MCF2L: variants seen among roughly 807,000 people sequenced by gnomAD.
MCF2L encodes the protein guanine nucleotide exchange factor DBS.
In MCF2L, 97 loss-of-function variants were observed where a neutral mutation model predicts 153.4. The ratio of observed to expected loss-of-function variants is 0.63; its 90% CI spans 0.54 to 0.75. The LOEUF (loss-of-function observed/expected upper bound fraction) is 0.75. MCF2L is among the 30% of genes least tolerant of loss of function. The probability of loss-of-function intolerance (pLI) is 0.00; values close to 1 mark genes in which losing one functional copy is unlikely to be tolerated. For missense variants in MCF2L, 1,347 were observed against 1,495.2 expected (o/e 0.90, Z 1.64); for synonymous variants, 659 against 632.2 (o/e 1.04, Z -0.64).
intron 3 of MCF2L, among the ~76,000 whole-genome samples, chr13:113,038,438 C>G (rs1294107696): frequency 6.8e-6 from 1 of 148,044 alleles, no homozygotes; most frequent in Non-Finnish European, 1.5e-5. Context: ...GCACTCCAGC[C>G]TGGGTGACAG....
chr13:112,935,071 CTG>C (rs2081501532), intron 2 of MCF2L, among the ~76,000 whole-genome samples: 1 of 152,220 alleles, frequency 6.6e-6, no homozygotes, highest in Non-Finnish European at 1.5e-5. Flanking sequence ...GTACCTCAAA[CTG>C]TGTTAGGGGC....
chr13:112,980,703 C>T (rs1331775755), intron 1 of MCF2L, among the ~76,000 whole-genome samples: 2 of 85,796 alleles, frequency 2.3e-5, no homozygotes, highest in East Asian at 6.0e-4. Flanking sequence ...CTGAGGAGGG[C>T]TGTGTCACTC....
intron 1 of MCF2L, among the ~76,000 whole-genome samples, chr13:112,989,295 G>A (rs61967106): frequency 1.5e-3 from 111 of 73,924 alleles, no homozygotes; most frequent in African/African-American, 2.8e-3. Context: ...TACCACGCCC[G>A]AGTCCTCCCT....
intron 3 of MCF2L, among the ~76,000 whole-genome samples, chr13:113,025,510 T>C (rs1203446815): frequency 1.7e-5 from 1 of 58,202 alleles, no homozygotes; most frequent in Non-Finnish European, 3.3e-5. Flanking sequence ...GCAGAGTCTC[T>C]GTGAGGTTTC....
intron 5 of MCF2L, among the ~76,000 whole-genome samples, chr13:113,062,500 C>T (rs980143206): frequency 3.0e-4 from 46 of 152,098 alleles, no homozygotes; most frequent in Non-Finnish European, 2.5e-4. Context: ...AGACGTGTCA[C>T]GGGGAGCAAG....
At chr13:112,987,069 C>T (rs1415083146) in intron 1 of MCF2L, among the ~76,000 whole-genome samples, 1 of 152,182 alleles carries the variant, frequency 6.6e-6, no homozygotes, top group African/African-American at 2.4e-5. Flanking sequence ...ATTTCCATCT[C>T]GGTGGGTCCT....
chr13:113,057,318 G>A (rs66884214), intron 4 of MCF2L, among the ~76,000 whole-genome samples: 48,848 of 145,686 alleles, frequency 0.34, 8,525 homozygotes, highest in South Asian at 0.42. Context: ...GTGCTGTTTT[G>A]GCACTGAGTG....
At chr13:113,092,467 C>T (rs113588827) in intron 26 of MCF2L, among the ~76,000 whole-genome samples, 6 of 151,934 alleles carry the variant, frequency 3.9e-5, no homozygotes, top group Admixed American at 1.3e-4. Context: ...TCCACCGTGG[C>T]CAGTGTGGCG....
intron 26 of MCF2L, among the ~76,000 whole-genome samples, chr13:113,092,485 C>T (rs949483651): frequency 9.9e-5 from 15 of 152,204 alleles, no homozygotes; most frequent in African/African-American, 3.6e-4. Flanking sequence ...GCGTCGAAGC[C>T]GGGCCACTGC....
At chr13:113,015,925 G>T (rs1337200474) in intron 2 of MCF2L, among the ~76,000 whole-genome samples, 2 of 152,162 alleles carry the variant, frequency 1.3e-5, no homozygotes, top group African/African-American at 4.8e-5. Flanking sequence ...GTTTCTGCCG[G>T]TTCCTCCTGC....
intron 1 of MCF2L, among the ~76,000 whole-genome samples, chr13:112,984,964 G>A (rs2082576396): frequency 6.6e-6 from 1 of 152,140 alleles, no homozygotes; most frequent in African/African-American, 2.4e-5. Context: ...AGGACTCTCT[G>A]GCTCAGCCTC....
At chr13:112,908,246 G>A (rs1306397562) in intron 2 of MCF2L, among the ~76,000 whole-genome samples, 2 of 152,322 alleles carry the variant, frequency 1.3e-5, no homozygotes, top group South Asian at 2.1e-4. Flanking sequence ...CAGGGCTCCT[G>A]TGTTAGGGGG....
chr13:112,899,663 C>G (rs2081101855), intron 1 of MCF2L, among the ~76,000 whole-genome samples: 1 of 152,162 alleles, frequency 6.6e-6, no homozygotes, highest in Admixed American at 6.5e-5. Flanking sequence ...TGCCCCAAGA[C>G]TCCTGGCCCC....
intron 4 of MCF2L, among the ~76,000 whole-genome samples, chr13:113,050,018 A>G (rs4578540): frequency 0.43 from 64,865 of 151,868 alleles, 14,408 homozygotes; most frequent in South Asian, 0.5. Context: ...CTACCCACCC[A>G]GGGGGCAGAA....
At chr13:113,005,299 G>A (rs1305042474) in intron 1 of MCF2L, among the ~76,000 whole-genome samples, 3 of 152,242 alleles carry the variant, frequency 2.0e-5, no homozygotes, top group Non-Finnish European at 4.4e-5. Flanking sequence ...CACTCGTGTG[G>A]GGTGTCAGAG....
chr13:112,963,948 G>A (rs948150826), intron 2 of MCF2L, among the ~76,000 whole-genome samples: 1 of 152,226 alleles, frequency 6.6e-6, no homozygotes, highest in Non-Finnish European at 1.5e-5. Context: ...CCCCAAGGAC[G>A]CAGGGGACTC....
intron 1 of MCF2L, among the ~76,000 whole-genome samples, chr13:112,975,325 C>T (rs1002844521): frequency 1.3e-5 from 2 of 152,120 alleles, no homozygotes; most frequent in African/African-American, 4.8e-5. Context: ...TAGCGGGGCC[C>T]CTATGAAGGG....
intron 2 of MCF2L, among the ~76,000 whole-genome samples, chr13:112,922,259 A>G (rs2081360316): frequency 6.6e-6 from 1 of 152,246 alleles, no homozygotes; most frequent in South Asian, 2.1e-4. Flanking sequence ...TCTAGAATAA[A>G]TGGGGAAAGG....
At chr13:112,987,998 C>T (rs1342175376) in intron 1 of MCF2L, among the ~76,000 whole-genome samples, 1 of 152,214 alleles carries the variant, frequency 6.6e-6, no homozygotes, top group Non-Finnish European at 1.5e-5. Flanking sequence ...GGCTGGGCAT[C>T]AGAAGATTGC....
Sources: allele counts gnomAD v4.1 joint callset (sites outside exome capture counted in the v4.1 genomes callset), GRCh38; gene constraint gnomAD v4.1.1; transcripts MANE v1.5; gene names NCBI Gene and HGNC (gene_info 2026-07-23, HGNC 2026-07-21).